The following RPP30 variants were observed in gnomAD, a reference collection of about 807,000 sequenced individuals.
RPP30 encodes the protein ribonuclease P protein subunit p30.
RPP30 carries 36 observed loss-of-function variants against 38.6 expected under a neutral mutation model. That is an observed-to-expected ratio of 0.93 (90% CI 0.71 to 1.23). The LOEUF (loss-of-function observed/expected upper bound fraction) is 1.23. RPP30 is among the 50% of genes most tolerant of loss of function. The pLI is 0.00. For missense variants in RPP30, 321 were observed against 321.7 expected (o/e 1.00, Z 0.02); for synonymous variants, 126 against 112.7 (o/e 1.12, Z -0.75).
intron 1 of RPP30, among the ~76,000 whole-genome samples, chr10:90,873,788 G>T (rs1846814490): frequency 6.6e-6 from 1 of 152,106 alleles, no homozygotes; most frequent in African/African-American, 2.4e-5. Context: ...GCAAGGTGAA[G>T]CCCAAGGTAC....
In RPP30 at chr10:90,885,825, A is replaced by G; in HGVS notation, c.356A>G (p.His119Arg). 1.2e-6 allele frequency: 2 copies of G among 1,609,824 alleles called. No individual in the cohort carries two copies. The highest frequency in any genetic ancestry group is 4.5e-5 in the East Asian group (2 of 44,770). Residue 119 changes from histidine to arginine, a missense_variant, in exon 6 of 11, where the codon CAT becomes CGT. His to Arg is a conservative substitution (Grantham distance 29, BLOSUM62 0). Coordinates refer to ENST00000371703, the MANE Select transcript of RPP30 (RefSeq NM_006413.5). ...TEKLFHIACT[H>R]LDVDLVCITV... Reference sequence around the variant, plus strand: ...TCTTCTTTACAGATTGCTTGCACACATTTAGATGTGGATTTAGTCTGCATA... The same window carrying G: ...TCTTCTTTACAGATTGCTTGCACACGTTTAGATGTGGATTTAGTCTGCATA...
At chr10:90,898,462 G>A (rs1339330791) in intron 10 of RPP30, among the ~76,000 whole-genome samples, 1 of 152,104 alleles carries the variant, frequency 6.6e-6, no homozygotes, top group African/African-American at 2.4e-5. Context: ...AATATTAGAA[G>A]AAATAAAGGA....
intron 2 of RPP30, 133 bp downstream of exon 2, chr10:90,875,057 T>A: frequency 2.0e-6 from 1 of 510,726 alleles, no homozygotes; most frequent in Non-Finnish European, 3.5e-6. Flanking sequence ...TTTTCTATTT[T>A]ATATAGAAAC....
downstream of RPP30, among the ~76,000 whole-genome samples, chr10:90,907,232 A>C (rs1211087975): frequency 6.6e-6 from 1 of 152,208 alleles, no homozygotes; most frequent in Non-Finnish European, 1.5e-5. Flanking sequence ...CAGCACTGGC[A>C]AGAGAAATGT....
chr10:90,896,261 A>C, intron 9 of RPP30, 52 bp from the exon 10 acceptor site: 1 of 1,489,394 alleles, frequency 6.7e-7, no homozygotes, highest in Admixed American at 1.7e-5. Context: ...TGTTTGTGTT[A>C]GTCTCGTGTC....
At chr10:90,877,704 G>A (rs1313240508) in intron 4 of RPP30, among the ~76,000 whole-genome samples, 1 of 152,206 alleles carries the variant, frequency 6.6e-6, no homozygotes, top group African/African-American at 2.4e-5. Flanking sequence ...ATATAATAGG[G>A]ATGTGGAAAA....
intron 10 of RPP30, among the ~76,000 whole-genome samples, chr10:90,897,934 AATCCAATTATGCTTTT>A (rs1435793151): frequency 6.6e-6 from 1 of 152,246 alleles, no homozygotes; most frequent in Non-Finnish European, 1.5e-5. Context: ...TGTTATAAAC[AATCCAATTATGCTTTT>A]TTAGTTATTT....
intron 4 of RPP30, among the ~76,000 whole-genome samples, chr10:90,877,078 T>C (rs1846861826): frequency 1.3e-5 from 2 of 152,078 alleles, no homozygotes; most frequent in African/African-American, 4.8e-5. Flanking sequence ...TTGGGAGGCC[T>C]AGGCAGGCAG....
rs1417654812 is a variant in RPP30, at chr10:90,900,723, A to G, written c.*44A>G. The G allele has an allele frequency of 6.3e-7, 1 of 1,583,280 alleles. No homozygotes were observed. Among genetic ancestry groups the G allele is most frequent in the Non-Finnish European group, 8.6e-7 (1 of 1,167,784 alleles). ...TGTCAGCACTCCCTTCTTCCCTTTT[A>G]TAGTTCATCAGCCACAACAAAAATA... On this transcript the variant is annotated 3_prime_UTR_variant, in exon 11 of 11. Coordinates refer to ENST00000371703, the MANE Select transcript of RPP30 (RefSeq NM_006413.5).
At chr10:90,875,115 A>G (rs1846834386) in intron 2 of RPP30, among the ~76,000 whole-genome samples, 191 bp downstream of exon 2, 2 of 152,210 alleles carry the variant, frequency 1.3e-5, no homozygotes, top group South Asian at 4.1e-4. Flanking sequence ...GTGAGGTAAT[A>G]TGACATAGTG....
intron 10 of RPP30, among the ~76,000 whole-genome samples, chr10:90,897,870 A>G (rs1170034273): frequency 2.6e-5 from 4 of 152,202 alleles, no homozygotes; most frequent in Non-Finnish European, 4.4e-5. Flanking sequence ...CATGCAATGC[A>G]TAATAATTAC....
chr10:90,874,231 A>G (rs1026913749), intron 1 of RPP30, among the ~76,000 whole-genome samples: 1 of 152,220 alleles, frequency 6.6e-6, no homozygotes. Flanking sequence ...CCAAATGTCC[A>G]GAACAGTGCT....
chr10:90,895,347 G>T, intron 7 of RPP30, 107 bp from the exon 8 acceptor site: 6 of 633,950 alleles, frequency 9.5e-6, no homozygotes, highest in East Asian at 3.3e-5. Context: ...AAAAGAAGTT[G>T]GTATTTGAGC....
At chr10:90,884,507 C>G (rs1846974405) in intron 5 of RPP30, among the ~76,000 whole-genome samples, 1 of 152,188 alleles carries the variant, frequency 6.6e-6, no homozygotes, top group African/African-American at 2.4e-5. Flanking sequence ...TTCATCCACT[C>G]TTATTAAATT....
intron 10 of RPP30, among the ~76,000 whole-genome samples, chr10:90,900,162 A>G (rs1200434322): frequency 6.6e-6 from 1 of 152,224 alleles, no homozygotes; most frequent in African/African-American, 2.4e-5. Context: ...GAGATAGGGT[A>G]CATGCTGTAA....
chr10:90,903,579 A>G (rs1472803824), downstream of RPP30, among the ~76,000 whole-genome samples: 1 of 152,222 alleles, frequency 6.6e-6, no homozygotes, highest in African/African-American at 2.4e-5. Context: ...TTCTATTCAT[A>G]CATGTTTATG....
In RPP30 at chr10:90,901,263, A is replaced by C; in HGVS notation, c.*584A>C. 3.1e-6 allele frequency: 3 copies of C among 982,702 alleles called. No homozygotes were observed. Among genetic ancestry groups the C allele is most frequent in the Non-Finnish European group, 3.6e-6 (3 of 828,044 alleles). 60.9% of individuals were successfully genotyped at this position (982,702 alleles called of 1,614,324 possible). On this transcript the variant is annotated 3_prime_UTR_variant, in exon 11 of 11. Coordinates refer to ENST00000371703, the MANE Select transcript of RPP30 (RefSeq NM_006413.5). ...TGGCCTCCTAAAGTGCTGGGATTAC[A>C]TGAGCCACCACATGCAGCCAGATGT...
intron 5 of RPP30, among the ~76,000 whole-genome samples, chr10:90,885,601 C>T (rs1194995558): frequency 6.6e-6 from 1 of 152,182 alleles, no homozygotes; most frequent in African/African-American, 2.4e-5. Context: ...TGGACATATT[C>T]CGCTTTTGCT....
At chr10:90,889,552 A>G (rs1847047719) in intron 6 of RPP30, among the ~76,000 whole-genome samples, 1 of 151,854 alleles carries the variant, frequency 6.6e-6, no homozygotes, top group Non-Finnish European at 1.5e-5. Context: ...ACCTCAAGTG[A>G]TCCACCCGCC....
Sources: gnomAD v4.1 joint callset for allele counts (sites outside exome capture counted in the v4.1 genomes callset) on GRCh38, gnomAD v4.1.1 for gene constraint, MANE v1.5 for transcripts, NCBI Gene and HGNC (gene_info 2026-07-23, HGNC 2026-07-21) for gene names.